SLC4A3: variants seen among roughly 807,000 people sequenced by gnomAD.
SLC4A3 encodes the protein anion exchange protein 3.
A neutral mutation model predicts 114.2 loss-of-function variants in SLC4A3; 47 were observed. The ratio of observed to expected loss-of-function variants is 0.41; its 90% CI spans 0.33 to 0.52. The LOEUF is 0.52. Ranked by LOEUF, SLC4A3 falls within the 20% of genes least tolerant of loss-of-function variation. The pLI is 0.21. For synonymous variants in SLC4A3, 693 were observed against 710.3 expected (o/e 0.98, Z 0.39); for missense variants, 1,312 against 1,668.3 (o/e 0.79, Z 3.72).
Position 219,628,580 on chromosome 2 carries a change from C to A in SLC4A3, c.217+10C>A, listed in dbSNP as rs752194459. 1.2e-6 allele frequency: 2 copies of A among 1,611,464 alleles called. No homozygotes were observed. Among genetic ancestry groups the A allele is most frequent in the South Asian group, 2.2e-5 (2 of 90,996 alleles). On this transcript the variant is annotated intron_variant, in intron 3 of 22. Transcript: ENST00000358055. This position sits in a 1 kb window ranked among gnomAD's most constrained non-coding sequence, Gnocchi z 4.8. Reference sequence around the variant, plus strand: ...GAGCGGGACTTTGAGTGTGGGTAGCCTGGGGACCCCTAGTGCGGCCGCCCT... The same window carrying A: ...GAGCGGGACTTTGAGTGTGGGTAGCATGGGGACCCCTAGTGCGGCCGCCCT...
rs540235573 is a variant in SLC4A3 at position 219,636,140 on chromosome 2, A to G, written c.2192-162A>G. ...GATCCTGTGATCACCATTGGGGGCT[A>G]GTGGGGAGGGTTTGGGAGCAATGGG... On this transcript the variant is annotated intron_variant, in intron 14 of 22. Transcript: ENST00000358055. This position sits in a 1 kb window ranked among gnomAD's most constrained non-coding sequence, Gnocchi z 5.5. Among the ~76,000 whole-genome samples the G allele has an allele frequency of 6.6e-6, 1 of 152,054 alleles. No individual in the cohort carries two copies. The highest frequency in any genetic ancestry group is 2.1e-4 in the South Asian group (1 of 4,814).
rs1699292649 is a variant in SLC4A3, at chr2:219,640,610, G to A, written c.3447+11G>A. The A allele has an allele frequency of 6.2e-7, 1 of 1,613,032 alleles. No individual in the cohort carries two copies. The highest frequency in any genetic ancestry group is 8.5e-7 in the Non-Finnish European group (1 of 1,179,326). On this transcript the variant is annotated intron_variant, in intron 21 of 22. Coordinates refer to ENST00000358055, the MANE Select transcript of SLC4A3 (RefSeq NM_005070.4). ...CCCTATGTGACCAAGGTAGGGCCGG[G>A]AAGCATGGGGGTAGGGCAGTGGGGT... is the stretch of plus-strand genomic sequence containing the variant.
At chr2:219,634,000 G>A in intron 11 of SLC4A3, 21 bp downstream of exon 11, 1 of 1,536,604 alleles carries the variant, frequency 6.5e-7, no homozygotes, top group Non-Finnish European at 8.8e-7. Context: ...CCGGGCGCCG[G>A]GGGCAGGGTC....
In SLC4A3 at chr2:219,630,108, C is replaced by T. The variant is rs373670234; in HGVS notation, c.612-45C>T. ...AGCTGAGGGACGGTGATGGAACCAC[C>T]GACCTGGCCCTGTCAAGTCCAAGGC... On this transcript the variant is annotated intron_variant, in intron 5 of 22. Transcript: ENST00000358055. This position sits in a 1 kb window ranked among gnomAD's most constrained non-coding sequence, Gnocchi z 6.9. 60 of 1,603,720 alleles carry T rather than the reference C, an allele frequency of 3.7e-5. No homozygotes were observed. In the Admixed American group the frequency reaches 5.1e-4, roughly 14 times the overall value.
In SLC4A3 at chr2:219,634,442, G is replaced by A. The variant is rs1467631820; in HGVS notation, c.1584G>A (p.Gln528=). 1.2e-6 allele frequency: 2 copies of A among 1,614,048 alleles called. No individual in the cohort carries two copies. The highest frequency in any genetic ancestry group is 2.7e-5 in the African/African-American group (2 of 74,918). ...VLVGCVPFLE[Q]PAAAFVRLNE... is the part of the protein sequence containing the mutation. ...TAGGTTGTGTGCCTTTCTTGGAGCA[G>A]CCTGCAGCAGCCTTCGTGCGTCTGA... Residue 528 remains glutamine (Q), a synonymous_variant, in exon 12 of 23, where the codon CAG becomes CAA. Coordinates refer to ENST00000358055, the MANE Select transcript of SLC4A3 (RefSeq NM_005070.4).
chr2:219,632,554 C>A, intron 8 of SLC4A3, 112 bp downstream of exon 8: 1 of 1,253,002 alleles, frequency 8.0e-7, no homozygotes, highest in Non-Finnish European at 1.1e-6. Context: ...GATCCAACTG[C>A]CACCTGGGAC....
In SLC4A3 at chr2:219,628,925, C is replaced by T. The variant is rs1383825128; in HGVS notation, c.218-219C>T. 6.6e-6 allele frequency among the ~76,000 whole-genome samples: 1 copy of T among 152,166 alleles called. No homozygotes were observed. The highest frequency in any genetic ancestry group is 1.9e-4 in the East Asian group (1 of 5,174). On this transcript the variant is annotated intron_variant, in intron 3 of 22. Coordinates refer to ENST00000358055, the MANE Select transcript of SLC4A3 (RefSeq NM_005070.4). The surrounding 1 kb of genome is among the most constrained non-coding windows in gnomAD (Gnocchi z 4.8). ...TGCTGTATCACGTCTCCCCTCCCAG[C>T]CCCCTTCATGACCTTCCCTGTCCAT...
Position 219,639,762 on chromosome 2 carries a change from C to T in SLC4A3, c.3277+27C>T, listed in dbSNP as rs754937438. 1 of 1,595,602 alleles carries T rather than the reference C, an allele frequency of 6.3e-7. No individual in the cohort carries two copies. On this transcript the variant is annotated intron_variant, in intron 20 of 22. Coordinates refer to ENST00000358055, the MANE Select transcript of SLC4A3 (RefSeq NM_005070.4). The surrounding 1 kb of genome is among the most constrained non-coding windows in gnomAD (Gnocchi z 5.9). ...TGAGAGCCCGCCTCCACCCTGCACA[C>T]CCCCTTCCTTGGGCCCCACGGTCTT... is the stretch of plus-strand genomic sequence containing the variant.
At position 219,638,984 on chromosome 2, in the gene SLC4A3, G is replaced by C. The variant is rs1159425309; in HGVS notation, c.3023+115G>C. ...TATCAGTATCAGGGTGCTGGGTGGTGGGAGCTGGTGGCAATCCTTGAGGAA... is the reference window on the plus strand; with the variant it reads ...TATCAGTATCAGGGTGCTGGGTGGTCGGAGCTGGTGGCAATCCTTGAGGAA... On this transcript the variant is annotated intron_variant, in intron 19 of 22. Transcript: ENST00000358055. The surrounding 1 kb of genome is among the most constrained non-coding windows in gnomAD (Gnocchi z 7.5). The C allele has an allele frequency of 2.6e-6, 3 of 1,146,906 alleles. No homozygotes were observed. Among genetic ancestry groups the C allele is most frequent in the Non-Finnish European group, 3.8e-6 (3 of 791,990 alleles). The allele number at this position is 1,146,906 out of a possible 1,614,324, so 71.0% of individuals were successfully genotyped here. A position where few individuals can be genotyped will look rare whatever the true frequency, so the allele number is the denominator to read the frequency against.
At position 219,632,094 on chromosome 2, in the gene SLC4A3, A is replaced by G. The variant is rs538637539; in HGVS notation, c.938A>G (p.Lys313Arg). 1.9e-6 allele frequency: 3 copies of G among 1,613,690 alleles called. No homozygotes were observed. The South Asian group carries it at 3.3e-5, about 18-fold the overall frequency. ...CTTCGCAGGAAGAAGAAGAAGAAAA[A>G]GCTGGACCGGAGGCCTCATGAGGTC... The part of the protein sequence containing the change: ...PILRRKKKKK[K>R]LDRRPHEVFV... The change falls in exon 7 of 23, where the codon AAG (lysine) becomes AGG (arginine). Residue 313 changes from lysine (K) to arginine (R), a missense_variant. This residue lies in a region of SLC4A3 where 771 missense variants were observed against 977.7 expected (regional missense o/e 0.79). Transcript: ENST00000358055.
chr2:219,640,678 G>A, intron 21 of SLC4A3, 79 bp downstream of exon 21: 1 of 1,570,786 alleles, frequency 6.4e-7, no homozygotes, highest in Non-Finnish European at 8.7e-7. Flanking sequence ...ATTGATGGAT[G>A]GGATGAATAT....
At position 219,631,222 on chromosome 2, in the gene SLC4A3, T is replaced by C; in HGVS notation, c.812-746T>C. 1 of 1,238,178 alleles carries C rather than the reference T, an allele frequency of 8.1e-7. No homozygotes were observed. The highest frequency in any genetic ancestry group is 1.0e-6 in the Non-Finnish European group (1 of 952,386). The allele number at this position is 1,238,178 out of a possible 1,614,324, so 76.7% of individuals were successfully genotyped here. On this transcript the variant is annotated intron_variant, in intron 6 of 22. Transcript: ENST00000358055. This position sits in a 1 kb window ranked among gnomAD's most constrained non-coding sequence, Gnocchi z 6.3. ...GTCTGGTAGGGAGCGGAGGCCGAGGTCTCGGCCACCGGGAGAATGACGAGC... is the reference window on the plus strand; with the variant it reads ...GTCTGGTAGGGAGCGGAGGCCGAGGCCTCGGCCACCGGGAGAATGACGAGC...
At chr2:219,634,668 G>T (rs1406865655) in intron 12 of SLC4A3, 64 bp downstream of exon 12, 4 of 1,528,520 alleles carry the variant, frequency 2.6e-6, no homozygotes, top group Non-Finnish European at 3.6e-6. Context: ...GTCCCTCATT[G>T]TCCACAGTGG....
intron 9 of SLC4A3, 63 bp from the exon 10 acceptor site, chr2:219,633,211 A>T (rs1287891085): frequency 1.4e-6 from 2 of 1,465,558 alleles, no homozygotes; most frequent in African/African-American, 2.8e-5. Flanking sequence ...TCCACTACTC[A>T]CCTCATGACC....
At chr2:219,632,571 G>T in intron 8 of SLC4A3, 129 bp downstream of exon 8, 1 of 1,157,644 alleles carries the variant, frequency 8.6e-7, no homozygotes. Context: ...GGACCGTGGG[G>T]GTCCATTTGC....
In SLC4A3 at chr2:219,628,156, G is replaced by C; in HGVS notation, c.51+113G>C. 3.3e-6 allele frequency: 3 copies of C among 910,704 alleles called. No homozygotes were observed. The highest frequency in any genetic ancestry group is 4.8e-6 in the Non-Finnish European group (3 of 620,168). The allele number at this position is 910,704 out of a possible 1,614,324, so 56.4% of individuals were successfully genotyped here. ...CGGGACCCCCCAGATCCAGGGATGA[G>C]CTGGGCTGGGGGTTACGGAGAAAGA... On this transcript the variant is annotated intron_variant, in intron 2 of 22. Transcript: ENST00000358055. The surrounding 1 kb of genome is among the most constrained non-coding windows in gnomAD (Gnocchi z 4.8).
chr2:219,640,664 G>C, intron 21 of SLC4A3, 65 bp downstream of exon 21: 1 of 1,578,804 alleles, frequency 6.3e-7, no homozygotes, highest in Non-Finnish European at 8.7e-7. Context: ...AGGGATCTGG[G>C]AGCATTGATG....
intron 14 of SLC4A3, 35 bp downstream of exon 14, chr2:219,635,926 C>T (rs1387522070): frequency 2.8e-6 from 4 of 1,430,120 alleles, no homozygotes; most frequent in East Asian, 2.4e-5. Flanking sequence ...TGAGGGGCTC[C>T]TCTAGTCACT....
At position 219,634,429 on chromosome 2, in the gene SLC4A3, C is replaced by A. The variant is rs1699047243; in HGVS notation, c.1571C>A (p.Pro524His). 6 of 1,614,004 alleles carry A rather than the reference C, an allele frequency of 3.7e-6. No individual in the cohort carries two copies. The East Asian group carries it at 1.3e-4, about 36-fold the overall frequency. Residue 524 changes from proline (P) to histidine (H), a missense_variant, in exon 12 of 23, where the codon CCT becomes CAT. By Grantham distance (77) the Pro-to-His change is moderately conservative. Coordinates refer to ENST00000358055, the MANE Select transcript of SLC4A3 (RefSeq NM_005070.4). ...EATVVLVGCV[P>H]FLEQPAAAFV... is the part of the protein sequence containing the mutation. ...TTTCCTCTTCCCCTAGGTTGTGTGC[C>A]TTTCTTGGAGCAGCCTGCAGCAGCC...
Sources: gnomAD v4.1 joint callset for allele counts (sites outside exome capture counted in the v4.1 genomes callset) on GRCh38, gnomAD v4.1.1 for gene constraint, gnomAD v4.1.1 regional missense constraint, Gnocchi (gnomAD v3.1) non-coding constraint, MANE v1.5 for transcripts, NCBI Gene and HGNC (gene_info 2026-07-23, HGNC 2026-07-21) for gene names.